Variants in OGFR observed in about 807,000 individuals in gnomAD.
OGFR encodes the protein opioid growth factor receptor.
In OGFR, 18 loss-of-function variants were observed where a neutral mutation model predicts 33.6. The observed-to-expected ratio is 0.54, with a 90% CI of 0.37 to 0.80. The LOEUF is 0.80. OGFR is among the 30% of genes least tolerant of loss of function. OGFR has a pLI of 0.00. For synonymous variants in OGFR, 370 were observed against 400.7 expected, an observed-to-expected ratio of 0.92 and a Z score of 0.91; for missense variants, 877 against 955.8, an observed-to-expected ratio of 0.92 and a Z score of 1.09.
chr20:62,811,190 C>T lies in OGFR; in HGVS notation c.466-272C>T, dbSNP rs541575070. Reference sequence around the variant, plus strand: ...CAGCCTGGCCAACGTGACAAAACCCCGTTTCTACTAAAAATAGAAAAAAAT... The same window carrying T: ...CAGCCTGGCCAACGTGACAAAACCCTGTTTCTACTAAAAATAGAAAAAAAT... On this transcript the variant is annotated intron_variant, in intron 5 of 6. Transcript: ENST00000290291. Among the ~76,000 whole-genome samples the T allele has an allele frequency of 2.6e-5, 4 of 151,918 alleles. No homozygotes were observed. The South Asian group carries it at 6.3e-4, about 24-fold the overall frequency.
chr20:62,808,355 C>T (rs1288714155), intron 3 of OGFR, 30 bp downstream of exon 3: 3 of 1,554,840 alleles, frequency 1.9e-6, no homozygotes, highest in Admixed American at 1.7e-5. Context: ...TGGCAGCCGG[C>T]GCTTCCATCC....
chr20:62,807,931 T>C, intron 2 of OGFR: 1 of 598,910 alleles, frequency 1.7e-6, no homozygotes, highest in South Asian at 2.0e-5. Context: ...GCCAGCCCTG[T>C]CTCCTGCAGG....
intron 1 of OGFR, chr20:62,807,233 C>T: frequency 4.4e-6 from 2 of 453,878 alleles, no homozygotes; most frequent in Non-Finnish European, 4.0e-6. Context: ...CAGCCAGGGG[C>T]CACCCTAAGG....
chr20:62,807,261 A>G, intron 1 of OGFR: 1 of 513,802 alleles, frequency 1.9e-6, no homozygotes, highest in South Asian at 2.3e-5. Flanking sequence ...CAGGAGTCCC[A>G]AAGGGGCCTA....
In OGFR at chr20:62,810,502, G is replaced by T. The variant is rs1020807352; in HGVS notation, c.402G>T (p.Leu134=). The T allele has an allele frequency of 1.2e-6, 2 of 1,613,102 alleles. No homozygotes were observed. Among genetic ancestry groups the T allele is most frequent in the Admixed American group, 1.7e-5 (1 of 59,994 alleles). ...CTGAGCATCTCTTCTCCTGCAGGCT[G>T]TTTCCTCTGCGAGAACCAGGAGTGA... ...LEDNHSYIQW[L]FPLREPGVNW... The change falls in exon 5 of 7, where the codon CTG becomes CTT. Residue 134 remains leucine (L), a synonymous_variant. Transcript: ENST00000290291.
chr20:62,812,893 G>A lies in OGFR; in HGVS notation c.1278G>A (p.Thr426=), dbSNP rs144040807. The change falls in exon 7 of 7, where the codon ACG becomes ACA. Residue 426 remains threonine, a synonymous_variant. Coordinates refer to ENST00000290291, the MANE Select transcript of OGFR (RefSeq NM_007346.4). The part of the protein sequence containing the change: ...GCALSQGSLR[T]GTQEVGGQDP... ...CCCTCAGCCAGGGCAGCCTCAGGAC[G>A]GGGACCCAGGAAGTGGGCGGTCAGG... The A allele has an allele frequency of 7.5e-4, 1,208 of 1,612,502 alleles. 3 individuals are homozygous for A. Among genetic ancestry groups the A allele is most frequent in the Non-Finnish European group, 9.8e-4 (1,155 of 1,179,912 alleles).
In OGFR at chr20:62,813,180, C is replaced by A; in HGVS notation, c.1565C>A (p.Pro522Gln). 1 of 1,528,620 alleles carries A rather than the reference C, an allele frequency of 6.5e-7. No individual in the cohort carries two copies. The highest frequency in any genetic ancestry group is 1.4e-5 in the African/African-American group (1 of 73,444). 94.7% of individuals were successfully genotyped at this position (1,528,620 alleles called of 1,614,324 possible). The change falls in exon 7 of 7, where the codon CCA (proline) becomes CAA (glutamine). Residue 522 changes from proline to glutamine, a missense_variant. Physicochemically the swap from Pro to Gln is moderately conservative, Grantham distance 76 (BLOSUM62 -1). Transcript: ENST00000290291. ...EGTPGSPSETPGPSPAGPAGD... is the reference protein window; with the variant it reads ...EGTPGSPSETQGPSPAGPAGD... Reference sequence around the variant, plus strand: ...ACCCCTGGGAGCCCATCGGAGACCCCAGGCCCCAGCCCAGCAGGACCTGCA... The same window carrying A: ...ACCCCTGGGAGCCCATCGGAGACCCAAGGCCCCAGCCCAGCAGGACCTGCA...
intron 5 of OGFR, among the ~76,000 whole-genome samples, 187 bp from the exon 6 acceptor site, chr20:62,811,275 T>A (rs900332307): frequency 1.2e-4 from 19 of 152,260 alleles, no homozygotes; most frequent in Admixed American, 1.2e-3. Context: ...GAGGTTGCAG[T>A]GACTTGAGGT....
chr20:62,812,497 G>A lies in OGFR; in HGVS notation c.882G>A (p.Arg294=). The stretch of plus-strand genomic sequence containing the variant: ...GGGGGCCCCAAGACAAGCTGCGGAG[G>A]TTCAAGCCCAGCTCTCTGCCCCATC... ...FVWGPQDKLR[R]FKPSSLPHPL... is the part of the protein sequence containing the mutation. The change falls in exon 7 of 7, where the codon AGG becomes AGA. Residue 294 remains arginine, a synonymous_variant. Coordinates refer to ENST00000290291, the MANE Select transcript of OGFR (RefSeq NM_007346.4). The A allele has an allele frequency of 1.3e-6, 2 of 1,582,966 alleles. 1 individual carries two copies. Among genetic ancestry groups the A allele is most frequent in the Admixed American group, 3.6e-5 (2 of 55,484 alleles).
At chr20:62,808,659 TA>T (rs1168744415) in intron 3 of OGFR, among the ~76,000 whole-genome samples, 1 of 152,220 alleles carries the variant, frequency 6.6e-6, no homozygotes, top group African/African-American at 2.4e-5. Context: ...ATAGCTTTTA[TA>T]TTTTTAAATG....
chr20:62,807,329 T>C lies in OGFR; in HGVS notation c.172-208T>C, dbSNP rs1990617792. ...GCCCTCTCTGGTTCTGTGCAGGGTA[T>C]TGGGATGCGTTACTGAGGCCCAAAT... On this transcript the variant is annotated intron_variant, in intron 1 of 6. Transcript: ENST00000290291. 5.0e-6 allele frequency: 3 copies of C among 604,838 alleles called. No individual in the cohort carries two copies. The East Asian group carries it at 8.3e-5, about 17-fold the overall frequency. The allele number at this position is 604,838 out of a possible 1,614,324, so 37.5% of individuals were successfully genotyped here. A position where few individuals can be genotyped will look rare whatever the true frequency, so the allele number is the denominator to read the frequency against.
chr20:62,813,722 G>A lies in OGFR; in HGVS notation c.*73G>A, dbSNP rs76421668. The A allele has an allele frequency of 3.2e-5, 49 of 1,547,534 alleles. No individual in the cohort carries two copies. The highest frequency in any genetic ancestry group is 2.0e-4 in the Admixed American group (12 of 59,010). Reference sequence around the variant, plus strand: ...GGGCTGGGGCCTCCGGAGCTGCTGCGGGCTCCCCTCAGGCTCTGCTTCGTG... The same window carrying A: ...GGGCTGGGGCCTCCGGAGCTGCTGCAGGCTCCCCTCAGGCTCTGCTTCGTG... On this transcript the variant is annotated 3_prime_UTR_variant, in exon 7 of 7. Coordinates refer to ENST00000290291, the MANE Select transcript of OGFR (RefSeq NM_007346.4).
rs375346023 is a variant in OGFR, at chr20:62,812,344, G to C, written c.729G>C (p.Arg243=). 1.3e-5 allele frequency: 20 copies of C among 1,563,196 alleles called. No homozygotes were observed. The highest frequency in any genetic ancestry group is 1.6e-5 in the Non-Finnish European group (19 of 1,154,408). Residue 243 remains arginine (R), a synonymous_variant, in exon 7 of 7, where the codon CGG becomes CGC. Transcript: ENST00000290291. The part of the protein sequence containing the change: ...VRFFLEETLV[R]RELPGVRQSA... ...TCTTCCTGGAGGAGACGCTGGTGCG[G>C]CGGGAGCTGCCGGGGGTGCGGCAGA...
intron 2 of OGFR, 147 bp downstream of exon 2, chr20:62,807,752 T>A: frequency 1.3e-6 from 1 of 754,312 alleles, no homozygotes; most frequent in Non-Finnish European, 2.2e-6. Flanking sequence ...GGGCACAGCC[T>A]GGTATAGATT....
At chr20:62,805,418 T>TGGGGCC (rs1288789319) in intron 1 of OGFR, 2 of 153,722 alleles carry the variant, frequency 1.3e-5, no homozygotes, top group African/African-American at 4.8e-5. Context: ...GGGCTGGGGC[T>TGGGGCC]GGGGCTGGGG....
chr20:62,807,572 G>T lies in OGFR; in HGVS notation c.207G>T (p.Thr69=). Residue 69 remains threonine (T), a synonymous_variant, in exon 2 of 7, where the codon ACG becomes ACT. Transcript: ENST00000290291. Reference sequence around the variant, plus strand: ...CAGGGTCCAGAAACTGGCGAGCCACGAGGGACATGTGTAGGTATCGGCACA... The same window carrying T: ...CAGGGTCCAGAAACTGGCGAGCCACTAGGGACATGTGTAGGTATCGGCACA... ...RMTGSRNWRA[T]RDMCRYRHNY... is the part of the protein sequence containing the mutation. The T allele has an allele frequency of 1.2e-6, 2 of 1,613,116 alleles. No individual in the cohort carries two copies. Among genetic ancestry groups the T allele is most frequent in the Non-Finnish European group, 1.7e-6 (2 of 1,179,868 alleles).
In OGFR at chr20:62,811,483, A is replaced by G; in HGVS notation, c.487A>G (p.Ile163Val). The G allele has an allele frequency of 6.2e-7, 1 of 1,611,628 alleles. No homozygotes were observed. The change falls in exon 6 of 7, where the codon ATC becomes GTC. Residue 163 changes from isoleucine to valine, a missense_variant. Transcript: ENST00000290291. The part of the protein sequence containing the change: ...EVEVFKSSQE[I>V]QERLVRAYEL... ...CCAGGTGTTTAAAAGCTCCCAGGAG[A>G]TCCAGGAGCGGCTTGTCCGGGCCTA...
At chr20:62,805,981 C>T (rs1302675581) in intron 1 of OGFR, 1 of 152,892 alleles carries the variant, frequency 6.5e-6, no homozygotes, top group African/African-American at 2.4e-5. Flanking sequence ...CCTCTGCCTC[C>T]TGCTGTGGCT....
At chr20:62,811,890 A>G (rs1990736194) in intron 6 of OGFR, among the ~76,000 whole-genome samples, 1 of 152,304 alleles carries the variant, frequency 6.6e-6, no homozygotes, top group African/African-American at 2.4e-5. Flanking sequence ...CGGTACAGCC[A>G]GTTCTCACAG....
Sources: allele counts gnomAD v4.1 joint callset (sites outside exome capture counted in the v4.1 genomes callset), GRCh38; gene constraint gnomAD v4.1.1; transcripts MANE v1.5; gene names NCBI Gene and HGNC (gene_info 2026-07-23, HGNC 2026-07-21).